The following ZMYM2 variants were observed in gnomAD, a reference collection of about 807,000 sequenced individuals.
The protein encoded by ZMYM2 is zinc finger MYM-type protein 2.
ZMYM2 carries 56 observed loss-of-function variants against 162.8 expected under a neutral mutation model. The ratio of observed to expected loss-of-function variants is 0.34; its 90% CI spans 0.28 to 0.43. The LOEUF is 0.43. Among genes scored for constraint, ZMYM2 ranks in the 20% least tolerant of loss-of-function variants. The pLI, the probability that ZMYM2 is intolerant of heterozygous loss-of-function variation, is 1.00. For missense variants in ZMYM2, 1,275 were observed against 1,621.8 expected, an observed-to-expected ratio of 0.79 and a Z score of 3.67; for synonymous variants, 510 against 541.6, an observed-to-expected ratio of 0.94 and a Z score of 0.81.
At chr13:19,946,736 AC>A in the ZMYM2 span, among the ~76,000 whole-genome samples, 1 of 152,230 alleles carries the variant, frequency 6.6e-6, no homozygotes, top group African/African-American at 2.4e-5. Context: ...GAATGAATGA[AC>A]AACAAAGATC....
chr13:19,881,029 C>T, the ZMYM2 span, among the ~76,000 whole-genome samples: 2 of 151,882 alleles, frequency 1.3e-5, no homozygotes, highest in Middle Eastern at 3.4e-3. Context: ...GCTGGGATTA[C>T]AGGCACGTGC....
At chr13:20,080,129 A>G (rs1957811922) in intron 21 of ZMYM2, among the ~76,000 whole-genome samples, 1 of 152,180 alleles carries the variant, frequency 6.6e-6, no homozygotes, top group African/African-American at 2.4e-5. Context: ...TAGTTTAGGA[A>G]ATGCTATTTT....
chr13:20,083,565 C>T (rs1958046094), intron 23 of ZMYM2, 91 bp from the exon 24 acceptor site: 2 of 1,018,222 alleles, frequency 2.0e-6, no homozygotes, highest in Non-Finnish European at 1.4e-6. Flanking sequence ...GGCACCTGGT[C>T]CTATTCTTTG....
chr13:19,970,149 C>A, intron 2 of ZMYM2: 1 of 743,906 alleles, frequency 1.3e-6, no homozygotes, highest in Non-Finnish European at 1.6e-6. Flanking sequence ...AGTCATTACA[C>A]TAGATCATAG....
the ZMYM2 span, among the ~76,000 whole-genome samples, chr13:19,878,158 T>C: frequency 1.3e-5 from 2 of 151,896 alleles, no homozygotes; most frequent in Admixed American, 1.3e-4. Flanking sequence ...GTTCAATCGA[T>C]TCTCCTGCGT....
intron 16 of ZMYM2, 27 bp from the exon 17 acceptor site, chr13:20,061,026 C>G (rs370194279): frequency 3.2e-6 from 5 of 1,586,494 alleles, no homozygotes; most frequent in Middle Eastern, 3.3e-4. Context: ...TTTAGTAAAC[C>G]TAACTCAAAA....
chr13:19,906,042 G>A, the ZMYM2 span, among the ~76,000 whole-genome samples: 1 of 151,846 alleles, frequency 6.6e-6, no homozygotes, highest in African/African-American at 2.4e-5. Flanking sequence ...TTGGGAGGCT[G>A]AGGCAGTCGG....
rs190676584 is a variant in ZMYM2 at position 20,049,699 on chromosome 13, A to C, written c.2293-1734A>C. Among the ~76,000 whole-genome samples, 202 of 152,132 alleles carry C rather than the reference A, an allele frequency of 1.3e-3. 1 individual carries two copies. Among genetic ancestry groups the C allele is most frequent in the East Asian group, 1.7e-3 (9 of 5,184 alleles). On this transcript the variant is annotated intron_variant, in intron 12 of 24. Coordinates refer to ENST00000610343, the MANE Select transcript of ZMYM2 (RefSeq NM_197968.4). ...ATATTTGACCTTAGTCAAGTCATTT[A>C]ATCTTTCTAGATCTTAGTTTGCAGT...
chr13:19,966,478 G>A (rs1304642354), intron 2 of ZMYM2, among the ~76,000 whole-genome samples: 1 of 147,444 alleles, frequency 6.8e-6, no homozygotes, highest in Admixed American at 7.0e-5. Context: ...TTTGGATACA[G>A]AGTTTTGCTC....
chr13:19,958,690 T>TC (rs1346112270), upstream of ZMYM2: 10 of 152,098 alleles, frequency 6.6e-5, no homozygotes, highest in East Asian at 2.0e-4. Context: ...GGGCGGGGCC[T>TC]CCCCGGGCTC....
At chr13:20,060,219 A>G (rs893856798) in intron 16 of ZMYM2, among the ~76,000 whole-genome samples, 2 of 152,206 alleles carry the variant, frequency 1.3e-5, no homozygotes, top group South Asian at 2.1e-4. Context: ...TAATAAAACC[A>G]TCTTTACCTT....
the ZMYM2 span, among the ~76,000 whole-genome samples, chr13:19,951,001 C>T: frequency 6.6e-6 from 1 of 152,120 alleles, no homozygotes; most frequent in Non-Finnish European, 1.5e-5. Flanking sequence ...TTTCTTAAAA[C>T]GTAAGATTTT....
intron 18 of ZMYM2, among the ~76,000 whole-genome samples, chr13:20,063,307 G>A (rs190573869): frequency 4.8e-4 from 72 of 151,018 alleles, no homozygotes; most frequent in African/African-American, 1.2e-3. Flanking sequence ...GGAGGCTGAG[G>A]CAGGAGGATT....
chr13:19,977,648 C>A (rs1224187214), intron 2 of ZMYM2, among the ~76,000 whole-genome samples: 1 of 147,676 alleles, frequency 6.8e-6, no homozygotes, highest in Non-Finnish European at 1.5e-5. Context: ...CGCCACCACG[C>A]CTGGCTAATT....
the ZMYM2 span, among the ~76,000 whole-genome samples, chr13:19,920,760 ATGTATGTATG>A: frequency 2.2e-3 from 329 of 151,634 alleles, no homozygotes; most frequent in African/African-American, 7.7e-3. Context: ...GTATGTATGT[ATGTATGTATG>A]TATGTATTTT....
intron 2 of ZMYM2, among the ~76,000 whole-genome samples, chr13:19,977,517 G>C (rs1956896132): frequency 6.7e-6 from 1 of 149,584 alleles, no homozygotes; most frequent in African/African-American, 2.5e-5. Flanking sequence ...TTTTGAGACG[G>C]AGTCTTTCTT....
At chr13:19,969,364 A>T (rs1956096981) in intron 2 of ZMYM2, among the ~76,000 whole-genome samples, 1 of 152,210 alleles carries the variant, frequency 6.6e-6, no homozygotes, top group African/African-American at 2.4e-5. Context: ...TGGACTTTTT[A>T]GGTACAAACT....
intron 2 of ZMYM2, among the ~76,000 whole-genome samples, chr13:19,974,878 T>G (rs1036229286): frequency 1.6e-4 from 24 of 152,170 alleles, no homozygotes; most frequent in Non-Finnish European, 8.8e-5. Flanking sequence ...CTGTACCAAT[T>G]AACAGAATAG....
At chr13:20,063,403 TAAAAAAAA>T (rs774452570) in intron 18 of ZMYM2, among the ~76,000 whole-genome samples, 2 of 121,202 alleles carry the variant, frequency 1.7e-5, no homozygotes, top group African/African-American at 3.1e-5. Context: ...ACCCTGTCTT[TAAAAAAAA>T]AAAAAAAAAA....
Sources: allele counts gnomAD v4.1 joint callset (sites outside exome capture counted in the v4.1 genomes callset), GRCh38; gene constraint gnomAD v4.1.1; transcripts MANE v1.5; gene names NCBI Gene and HGNC (gene_info 2026-07-23, HGNC 2026-07-21).